The following RNF213 variants were observed in gnomAD, a reference collection of about 807,000 sequenced individuals.
RNF213 encodes ring finger protein 213.
In RNF213, 341 loss-of-function variants were observed where a neutral mutation model predicts 514.4. The observed-to-expected ratio is 0.66, with a 90% CI of 0.61 to 0.73. The LOEUF is 0.73. Ranked by LOEUF, RNF213 falls within the 30% of genes least tolerant of loss-of-function variation. The pLI, the probability that RNF213 is intolerant of heterozygous loss-of-function variation, is 0.00. For missense variants in RNF213, 5,767 were observed against 6,615.6 expected, an observed-to-expected ratio of 0.87 and a Z score of 4.45; for synonymous variants, 2,655 against 2,658.2, an observed-to-expected ratio of 1.00 and a Z score of 0.04.
intron 17 of RNF213, among the ~76,000 whole-genome samples, chr17:80,323,835 G>GGT (rs147479626): frequency 1.3e-5 from 1 of 77,136 alleles, no homozygotes; most frequent in Non-Finnish European, 2.5e-5. Flanking sequence ...ACTTTTTTTT[G>GGT]GGGGGGGGTG....
intron 61 of RNF213, 135 bp from the exon 62 acceptor site, chr17:80,386,115 T>G: frequency 1.3e-6 from 1 of 789,294 alleles, no homozygotes; most frequent in Non-Finnish European, 2.2e-6. Context: ...TATCAGCATA[T>G]GAGATGGGGC....
intron 37 of RNF213, among the ~76,000 whole-genome samples, chr17:80,358,947 TTC>T (rs1192540402): frequency 6.6e-5 from 10 of 152,048 alleles, no homozygotes; most frequent in South Asian, 2.1e-4. Context: ...TCTGAGAAAT[TTC>T]TGTTTTATCT....
At chr17:80,338,861 T>C (rs1011141363) in intron 25 of RNF213, among the ~76,000 whole-genome samples, 4 of 150,080 alleles carry the variant, frequency 2.7e-5, no homozygotes, top group African/African-American at 9.8e-5. Context: ...GGCAGGAGAA[T>C]TGCTTGAACC....
At chr17:80,366,041 G>A (rs936439638) in intron 42 of RNF213, among the ~76,000 whole-genome samples, 2 of 152,184 alleles carry the variant, frequency 1.3e-5, no homozygotes, top group African/African-American at 2.4e-5. Context: ...ACCTTACCTC[G>A]TTAGTTTTCC....
At chr17:80,284,379 CA>C (rs1485016189) in intron 3 of RNF213, among the ~76,000 whole-genome samples, 1 of 143,242 alleles carries the variant, frequency 7.0e-6, no homozygotes, top group South Asian at 2.4e-4. Context: ...AAAACAAAAA[CA>C]AAAACAAAAC....
Position 80,398,759 on chromosome 17 carries a change from A to G in RNF213, c.*5261A>G, listed in dbSNP as rs1342116114. 6.6e-6 allele frequency: 1 copy of G among 152,170 alleles called. No individual in the cohort carries two copies. Among genetic ancestry groups the G allele is most frequent in the African/African-American group, 2.4e-5 (1 of 41,412 alleles). 9.4% of individuals were successfully genotyped at this position (152,170 alleles called of 1,614,324 possible). A position where few individuals can be genotyped will look rare whatever the true frequency, so the allele number is the denominator to read the frequency against. Reference sequence around the variant, plus strand: ...AGAGGCAAAAGGAAAGTCAAAGAGAAAGAGACAGAAAATCAAGAGGAAAAA... The same window carrying G: ...AGAGGCAAAAGGAAAGTCAAAGAGAGAGAGACAGAAAATCAAGAGGAAAAA... On this transcript the variant is annotated 3_prime_UTR_variant, in exon 68 of 68. Coordinates refer to ENST00000582970, the MANE Select transcript of RNF213 (RefSeq NM_001256071.3).
intron 12 of RNF213, among the ~76,000 whole-genome samples, chr17:80,306,811 C>T (rs185662432): frequency 2.3e-4 from 35 of 150,810 alleles, no homozygotes; most frequent in African/African-American, 6.8e-4. Context: ...GAGATCACGC[C>T]GCTGCACTCC....
chr17:80,369,719 G>A lies in RNF213; in HGVS notation c.12325+48G>A, dbSNP rs755515057. 1.4e-5 allele frequency: 23 copies of A among 1,613,024 alleles called. No individual in the cohort carries two copies. In the East Asian group the frequency reaches 2.0e-4, roughly 14 times the overall value. On this transcript the variant is annotated intron_variant, in intron 45 of 67. Coordinates refer to ENST00000582970, the MANE Select transcript of RNF213 (RefSeq NM_001256071.3). The stretch of plus-strand genomic sequence containing the variant: ...ACCTAGCCCCTCATTTCTTCATCTC[G>A]CTTCTGCATGTCTCATGCAGTGAGC...
At chr17:80,276,478 C>T (rs1236553142) in intron 3 of RNF213, among the ~76,000 whole-genome samples, 1 of 151,938 alleles carries the variant, frequency 6.6e-6, no homozygotes, top group Non-Finnish European at 1.5e-5. Flanking sequence ...GTAGAGTTGA[C>T]ACAGAAGATG....
At position 80,351,857 on chromosome 17, in the gene RNF213, GTATC is replaced by G. The variant is rs1272505491; in HGVS notation, c.10303+58_10303+61del. On this transcript the variant is annotated intron_variant, in intron 32 of 67. Transcript: ENST00000582970. The stretch of plus-strand genomic sequence containing the variant: ...TATTTATGTATTTATTTATTTATTT[GTATC>G]TATTTATTTTTTGAGATGGAGTCTT... 4 of 1,036,470 alleles carry G rather than the reference GTATC, an allele frequency of 3.9e-6. No individual in the cohort carries two copies. In the African/African-American group the frequency reaches 6.4e-5, roughly 17 times the overall value. 64.2% of individuals were successfully genotyped at this position (1,036,470 alleles called of 1,614,324 possible). A position where few individuals can be genotyped will look rare whatever the true frequency, so the allele number is the denominator to read the frequency against.
chr17:80,377,089 T>G lies in RNF213; in HGVS notation c.13510+126T>G. On this transcript the variant is annotated intron_variant, in intron 53 of 67. Transcript: ENST00000582970. This position sits in a 1 kb window ranked among gnomAD's most constrained non-coding sequence, Gnocchi z 4.1. ...GCCTCAGGGTCCAAAACCACCTGCA[T>G]TCTACCGGTGGCGTCTGCAGAAGAC... 6.9e-6 allele frequency: 5 copies of G among 727,212 alleles called. No homozygotes were observed. The highest frequency in any genetic ancestry group is 9.8e-6 in the Non-Finnish European group (4 of 407,206). The allele number at this position is 727,212 out of a possible 1,614,324, so 45.0% of individuals were successfully genotyped here.
In RNF213 at chr17:80,294,934, C is replaced by T; in HGVS notation, c.1686C>T (p.Val562=). 1.2e-6 allele frequency: 2 copies of T among 1,614,176 alleles called. No individual in the cohort carries two copies. Among genetic ancestry groups the T allele is most frequent in the African/African-American group, 2.7e-5 (2 of 75,034 alleles). The change falls in exon 9 of 68, where the codon GTC becomes GTT. Residue 562 remains valine, a synonymous_variant. Coordinates refer to ENST00000582970, the MANE Select transcript of RNF213 (RefSeq NM_001256071.3). ...CCCAGTTCGAGCAGTTTTGCTTTGT[C>T]CTGCAACAGCCTATGATTTATGAAG... is the stretch of plus-strand genomic sequence containing the variant. ...FFTQFEQFCF[V]LQQPMIYEGQ...
chr17:80,289,605 A>AAG (rs2044612928), intron 5 of RNF213, 54 bp from the exon 6 acceptor site: 18 of 1,581,276 alleles, frequency 1.1e-5, no homozygotes, highest in Middle Eastern at 1.7e-4. Context: ...AAAAAAAAAA[A>AAG]AAAGAAAATG....
At chr17:80,350,474 A>T in intron 31 of RNF213, 78 bp downstream of exon 31, 1 of 846,290 alleles carries the variant, frequency 1.2e-6, no homozygotes, top group Non-Finnish European at 2.0e-6. Context: ...TTTTCCTTGA[A>T]GACAGTATAG....
chr17:80,289,592 GAAAAA>G, intron 5 of RNF213, 62 bp from the exon 6 acceptor site: 20 of 1,308,250 alleles, frequency 1.5e-5, no homozygotes, highest in Admixed American at 6.8e-5. Context: ...CTCTGTCTCA[GAAAAA>G]AAAAAAAAAA....
chr17:80,369,214 C>A (rs1228202854), intron 44 of RNF213, among the ~76,000 whole-genome samples: 2 of 152,094 alleles, frequency 1.3e-5, no homozygotes, highest in Non-Finnish European at 2.9e-5. Flanking sequence ...GCCTGGCCAA[C>A]ACGGTGAAAC....
rs760284930 is a variant in RNF213, at chr17:80,386,706, G to A, written c.14737G>A (p.Ala4913Thr). The change falls in exon 63 of 68, where the codon GCC becomes ACC. Residue 4913 changes from alanine to threonine, a missense_variant. This residue lies in a region of RNF213 where 1,245 missense variants were observed against 1,339.0 expected (regional missense o/e 0.93). Transcript: ENST00000582970. ...GCCCCTCAGCTATTCCGTGGATGCC[G>A]CCGAGGTCACTGAACTGCATGTCAT... ...KENNSYSVDAAEVTELHVISY... is the reference protein window; with the variant it reads ...KENNSYSVDATEVTELHVISY... 26 of 1,614,090 alleles carry A rather than the reference G, an allele frequency of 1.6e-5. No homozygotes were observed. Among genetic ancestry groups the A allele is most frequent in the Non-Finnish European group, 2.2e-5 (26 of 1,180,046 alleles).
Position 80,358,852 on chromosome 17 carries a change from T to C in RNF213, c.11054+373T>C, listed in dbSNP as rs112788786. Among the ~76,000 whole-genome samples the C allele has an allele frequency of 2.3e-3, 351 of 152,162 alleles. 6 individuals carry two copies. The highest frequency in any genetic ancestry group is 7.9e-3 in the African/African-American group (327 of 41,506). ...TGAACCTGGGAGGCGGAGGTTGCAG[T>C]GAGCCGAGATGGCGCCACTGCACTC... On this transcript the variant is annotated intron_variant, in intron 37 of 67. Coordinates refer to ENST00000582970, the MANE Select transcript of RNF213 (RefSeq NM_001256071.3).
At chr17:80,319,834 C>T in intron 17 of RNF213, 3 of 1,201,302 alleles carry the variant, frequency 2.5e-6, no homozygotes, top group Non-Finnish European at 3.1e-6. Context: ...AAGCTCCCTG[C>T]TGGCCACGGC....
Sources: allele counts gnomAD v4.1 joint callset (sites outside exome capture counted in the v4.1 genomes callset), GRCh38; gene constraint gnomAD v4.1.1; regional missense constraint gnomAD v4.1.1; non-coding constraint Gnocchi (gnomAD v3.1); transcripts MANE v1.5; gene names NCBI Gene and HGNC (gene_info 2026-07-23, HGNC 2026-07-21).